Variants in FUCA1 observed in about 807,000 individuals in gnomAD.
The protein encoded by FUCA1 is alpha-L-fucosidase 1.
A neutral mutation model predicts 56.8 loss-of-function variants in FUCA1; 52 were observed. The observed-to-expected ratio is 0.92, with a 90% CI of 0.73 to 1.15. The LOEUF (loss-of-function observed/expected upper bound fraction) is 1.15. FUCA1 is among the 50% of genes most tolerant of loss of function. FUCA1 has a pLI of 0.00. For synonymous variants in FUCA1, 230 were observed against 226.6 expected, an observed-to-expected ratio of 1.02 and a Z score of -0.14; for missense variants, 568 against 592.6, an observed-to-expected ratio of 0.96 and a Z score of 0.43.
chr1:23,849,844 G>T (rs1639221318), intron 5 of FUCA1, among the ~76,000 whole-genome samples: 2 of 151,744 alleles, frequency 1.3e-5, no homozygotes, highest in Non-Finnish European at 2.9e-5. Context: ...GCCTCCCAAA[G>T]TGCTGGTATT....
chr1:23,864,768 G>A (rs1279282553), intron 2 of FUCA1, among the ~76,000 whole-genome samples: 10 of 150,548 alleles, frequency 6.6e-5, no homozygotes, highest in African/African-American at 2.2e-4. Context: ...GCAGTGGTGC[G>A]ATCTTGGCTC....
In FUCA1 at chr1:23,849,264, G is replaced by A. The variant is rs151101180; in HGVS notation, c.970-425C>T. On this transcript the variant is annotated intron_variant, in intron 5 of 7. Coordinates refer to ENST00000374479, the MANE Select transcript of FUCA1 (RefSeq NM_000147.5). Reference sequence around the variant, plus strand: ...GCCTCCCGAAGTGCTGGGATCACAAGCATGAGTCACCGCACCTGAGCTAAA... The same window carrying A: ...GCCTCCCGAAGTGCTGGGATCACAAACATGAGTCACCGCACCTGAGCTAAA... Among the ~76,000 whole-genome samples, 1,121 of 152,296 alleles carry A rather than the reference G, an allele frequency of 7.4e-3. 23 individuals carry two copies. The highest frequency in any genetic ancestry group is 0.024 in the African/African-American group (1,006 of 41,554).
chr1:23,851,319 G>A (rs1297369628), intron 5 of FUCA1, among the ~76,000 whole-genome samples: 1 of 151,922 alleles, frequency 6.6e-6, no homozygotes, highest in African/African-American at 2.4e-5. Flanking sequence ...GACCGAGATC[G>A]CACCACTGCA....
intron 6 of FUCA1, 102 bp from the exon 7 acceptor site, chr1:23,846,275 CTTTTTT>C (rs11456086): frequency 3.0e-6 from 2 of 668,974 alleles, no homozygotes; most frequent in African/African-American, 1.9e-5. Context: ...CTTTTCTTTT[CTTTTTT>C]TTTTTTTTGA....
intron 5 of FUCA1, among the ~76,000 whole-genome samples, chr1:23,851,604 G>C (rs1204918283): frequency 6.6e-6 from 1 of 152,030 alleles, no homozygotes; most frequent in Non-Finnish European, 1.5e-5. Flanking sequence ...AGCCATAAAA[G>C]AGAATGTGTC....
chr1:23,857,784 C>G (rs1639424523), intron 4 of FUCA1, among the ~76,000 whole-genome samples: 1 of 151,820 alleles, frequency 6.6e-6, no homozygotes, highest in Non-Finnish European at 1.5e-5. Flanking sequence ...TCTCCTGCCT[C>G]AGCCTCCCAA....
Position 23,855,466 on chromosome 1 carries a change from C to T in FUCA1, c.769-906G>A, listed in dbSNP as rs191384392. Among the ~76,000 whole-genome samples the T allele has an allele frequency of 1.5e-4, 23 of 152,366 alleles. No individual in the cohort carries two copies. The East Asian group carries it at 3.9e-3, about 26-fold the overall frequency. ...GAGCCGAGATCGTGCCACTGCACTC[C>T]AGCCTAGGCAACAGCAGAGCGAGAC... On this transcript the variant is annotated intron_variant, in intron 4 of 7. Transcript: ENST00000374479.
intron 6 of FUCA1, among the ~76,000 whole-genome samples, chr1:23,847,689 C>G (rs1397730936): frequency 2.0e-5 from 3 of 152,122 alleles, no homozygotes; most frequent in African/African-American, 7.2e-5. Flanking sequence ...TTCCCAGCCT[C>G]CAGAACTGTG....
chr1:23,857,530 C>T (rs1639418109), intron 4 of FUCA1, among the ~76,000 whole-genome samples: 1 of 151,972 alleles, frequency 6.6e-6, no homozygotes. Flanking sequence ...CAGAGTCTCG[C>T]TCTGTTGCGC....
At chr1:23,851,768 A>G (rs1639263756) in intron 5 of FUCA1, among the ~76,000 whole-genome samples, 2 of 152,166 alleles carry the variant, frequency 1.3e-5, no homozygotes, top group South Asian at 4.1e-4. Context: ...CAGAAAACCA[A>G]ACACCACATG....
intron 5 of FUCA1, among the ~76,000 whole-genome samples, chr1:23,853,205 G>A (rs1292711573): frequency 1.4e-5 from 2 of 147,588 alleles, no homozygotes; most frequent in South Asian, 2.2e-4. Flanking sequence ...CTGCCCAGCC[G>A]CCCCATCTGA....
In FUCA1 at chr1:23,868,032, C is replaced by T. The variant is rs745442726; in HGVS notation, c.255G>A (p.Gly85=). Residue 85 remains glycine, a synonymous_variant, in exon 1 of 8, where the codon GGG becomes GGA. Coordinates refer to ENST00000374479, the MANE Select transcript of FUCA1 (RefSeq NM_000147.5). The part of the protein sequence containing the change: ...EWFWWHWQGE[G]RPQYQRFMRD... ...GCATGAAGCGCTGGTACTGCGGCCG[C>T]CCCTCGCCCTGCCAGTGCCACCAGA... 1.9e-6 allele frequency: 3 copies of T among 1,609,766 alleles called. No individual in the cohort carries two copies. The highest frequency in any genetic ancestry group is 1.1e-5 in the South Asian group (1 of 90,658).
chr1:23,859,157 C>A (rs1639454866), intron 4 of FUCA1, among the ~76,000 whole-genome samples: 1 of 152,022 alleles, frequency 6.6e-6, no homozygotes, highest in African/African-American at 2.4e-5. Context: ...TCATTTATAA[C>A]ATTTGTTTGC....
chr1:23,854,559 T>A lies in FUCA1; in HGVS notation c.770A>T (p.Asp257Val). The A allele has an allele frequency of 6.2e-7, 1 of 1,611,922 alleles. No individual in the cohort carries two copies. Among genetic ancestry groups the A allele is most frequent in the East Asian group, 2.2e-5 (1 of 44,882 alleles). ...CCATCGGTCATTTACTACCACCTCA[T>A]CCTAAGGAGGGAAAGAATATTTGGT... ...SWLYNDSPVK[D>V]EVVVNDRWGQ... is the part of the protein sequence containing the mutation. The change falls in exon 5 of 8, where the codon GAT (aspartate) becomes GTT (valine). Residue 257 changes from aspartate (D) to valine (V), a missense_variant and splice_region_variant. By Grantham distance (152) the Asp-to-Val change is radical. Coordinates refer to ENST00000374479, the MANE Select transcript of FUCA1 (RefSeq NM_000147.5).
intron 1 of FUCA1, among the ~76,000 whole-genome samples, chr1:23,865,988 T>A (rs1357697745): frequency 6.6e-6 from 1 of 152,112 alleles, no homozygotes; most frequent in African/African-American, 2.4e-5. Context: ...GAGAAAGAGC[T>A]CTACTGGAAA....
chr1:23,853,889 A>T lies in FUCA1; in HGVS notation c.969+471T>A, dbSNP rs1333279636. Among the ~76,000 whole-genome samples the T allele has an allele frequency of 6.0e-5, 9 of 151,030 alleles. No homozygotes were observed. In the East Asian group the frequency reaches 1.7e-3, roughly 29 times the overall value. On this transcript the variant is annotated intron_variant, in intron 5 of 7. Transcript: ENST00000374479. Reference sequence around the variant, plus strand: ...AGCATGCTCGTTAAGAGTCATCACCACTCCCTAATCTCAAGTACCCAGGGA... The same window carrying T: ...AGCATGCTCGTTAAGAGTCATCACCTCTCCCTAATCTCAAGTACCCAGGGA...
chr1:23,845,960 G>T, intron 7 of FUCA1, 105 bp from the exon 8 acceptor site: 1 of 1,540,690 alleles, frequency 6.5e-7, no homozygotes, highest in Non-Finnish European at 9.0e-7. Context: ...GGGCAGGAAA[G>T]CCAGTCTAAA....
rs113826697 is a variant in FUCA1 at position 23,857,501 on chromosome 1, CT to C, written c.768+2296del. 8.6e-4 allele frequency among the ~76,000 whole-genome samples: 125 copies of C among 145,228 alleles called. No individual in the cohort carries two copies. In the Middle Eastern group the frequency reaches 0.011, roughly 12 times the overall value. On this transcript the variant is annotated intron_variant, in intron 4 of 7. Transcript: ENST00000374479. The stretch of plus-strand genomic sequence containing the variant: ...ATTCATCAAGTTCCAGAAAACCACT[CT>C]TTTTTTTTTTTGTGAGACAGAGTCT...
Position 23,854,487 on chromosome 1 carries a change from T to C in FUCA1, c.842A>G (p.Asp281Gly). The change falls in exon 5 of 8, where the codon GAT becomes GGT. Residue 281 changes from aspartate to glycine, a missense_variant. Coordinates refer to ENST00000374479, the MANE Select transcript of FUCA1 (RefSeq NM_000147.5). Reference protein sequence around the residue: ...CHHGGYYNCEDKFKPQSLPDH... With the variant: ...CHHGGYYNCEGKFKPQSLPDH... ...TGGCAAGCTCTGTGGCTTGAATTTA[T>C]CTTCACAGTTATAGTATCCTCCATG... 1 of 1,614,134 alleles carries C rather than the reference T, an allele frequency of 6.2e-7. No individual in the cohort carries two copies. The highest frequency in any genetic ancestry group is 8.5e-7 in the Non-Finnish European group (1 of 1,179,976).
Sources: allele counts gnomAD v4.1 joint callset (sites outside exome capture counted in the v4.1 genomes callset), GRCh38; gene constraint gnomAD v4.1.1; transcripts MANE v1.5; gene names NCBI Gene and HGNC (gene_info 2026-07-23, HGNC 2026-07-21).